The following PTPRD variants were observed in gnomAD, a reference collection of about 807,000 sequenced individuals.
PTPRD encodes the protein receptor-type tyrosine-protein phosphatase delta.
PTPRD carries 34 observed loss-of-function variants against 214.5 expected under a neutral mutation model. That is an observed-to-expected ratio of 0.16 (90% CI 0.12 to 0.21). PTPRD has a LOEUF of 0.21. PTPRD is among the 10% of genes least tolerant of loss of function. The probability of loss-of-function intolerance (pLI) is 1.00; values close to 1 mark genes in which losing one functional copy is unlikely to be tolerated. For synonymous variants in PTPRD, 1,128 were observed against 845.7 expected, an observed-to-expected ratio of 1.33 and a Z score of -5.79; for missense variants, 2,545 against 2,398.7, an observed-to-expected ratio of 1.06 and a Z score of -1.27.
At chr9:10,301,385 C>T (rs973266115) in intron 3 of PTPRD, among the ~76,000 whole-genome samples, 7 of 152,106 alleles carry the variant, frequency 4.6e-5, no homozygotes, top group Non-Finnish European at 1.0e-4. Context: ...CAGCTCCTCA[C>T]CAGCAAGGGA....
chr9:10,328,013 T>C (rs535037433), intron 3 of PTPRD, among the ~76,000 whole-genome samples: 198 of 151,932 alleles, frequency 1.3e-3, no homozygotes, highest in African/African-American at 4.4e-3. Context: ...ATAATACTTA[T>C]ATATTTCATG....
intron 5 of PTPRD, among the ~76,000 whole-genome samples, chr9:9,902,027 A>G (rs2076519402): frequency 6.6e-6 from 1 of 152,186 alleles, no homozygotes; most frequent in African/African-American, 2.4e-5. Context: ...CTTTGAAATC[A>G]GACTTCCTAA....
chr9:9,980,464 C>T (rs531624420), intron 4 of PTPRD, among the ~76,000 whole-genome samples: 2 of 151,316 alleles, frequency 1.3e-5, no homozygotes, highest in African/African-American at 4.9e-5. Context: ...AAAAATTAGC[C>T]GGGCATAGTG....
At chr9:9,525,466 T>C (rs1482697635) in intron 8 of PTPRD, among the ~76,000 whole-genome samples, 1 of 152,194 alleles carries the variant, frequency 6.6e-6, no homozygotes, top group East Asian at 1.9e-4. Context: ...TTCCATGAGT[T>C]AGAGGGATGT....
At chr9:10,589,908 G>T (rs1387245337) in intron 2 of PTPRD, among the ~76,000 whole-genome samples, 1 of 151,978 alleles carries the variant, frequency 6.6e-6, no homozygotes, top group Non-Finnish European at 1.5e-5. Flanking sequence ...GCATAAGCTA[G>T]AATATTTTAA....
intron 4 of PTPRD, among the ~76,000 whole-genome samples, chr9:10,008,625 TTCCTGTCTC>T (rs1370995282): frequency 7.9e-4 from 120 of 152,116 alleles, no homozygotes; most frequent in Non-Finnish European, 1.3e-3. Context: ...TCAGCATAAA[TTCCTGTCTC>T]ATCCTTCCTT....
rs981181942 is a variant in PTPRD at position 10,362,009 on chromosome 9, C to T, written c.-599-20992G>A. On this transcript the variant is annotated intron_variant, in intron 2 of 45. Coordinates refer to ENST00000381196, the MANE Select transcript of PTPRD (RefSeq NM_002839.4). ...GTTAAGATGTCAGCATTTTCATGTT[C>T]ATGTTTTCAGTCCAGGACAGAATCT... Among the ~76,000 whole-genome samples, 7 of 152,252 alleles carry T rather than the reference C, an allele frequency of 4.6e-5. No individual in the cohort carries two copies. The South Asian group carries it at 1.0e-3, about 23-fold the overall frequency.
In PTPRD at chr9:9,947,156, G is replaced by A. The variant is rs548557202; in HGVS notation, c.-471-8546C>T. Reference sequence around the variant, plus strand: ...TCATGTATTCCTATATGTACAAGAGGCATATTCAGTACAATGAGTAGTTCA... The same window carrying A: ...TCATGTATTCCTATATGTACAAGAGACATATTCAGTACAATGAGTAGTTCA... On this transcript the variant is annotated intron_variant, in intron 4 of 45. Coordinates refer to ENST00000381196, the MANE Select transcript of PTPRD (RefSeq NM_002839.4). Among the ~76,000 whole-genome samples the A allele has an allele frequency of 1.4e-3, 212 of 147,638 alleles. 3 individuals are homozygous for A. The South Asian group carries it at 0.027, about 19-fold the overall frequency.
intron 3 of PTPRD, among the ~76,000 whole-genome samples, chr9:10,076,196 C>T (rs2098129545): frequency 6.6e-6 from 1 of 152,088 alleles, no homozygotes. Context: ...CTTGCACTGC[C>T]TGCCGCCTCT....
chr9:8,527,442 C>A, intron 15 of PTPRD, 89 bp from the exon 16 acceptor site: 2 of 1,135,940 alleles, frequency 1.8e-6, no homozygotes, highest in Non-Finnish European at 2.6e-6. Flanking sequence ...AGAGTTAAAG[C>A]TTTATATACT....
intron 10 of PTPRD, among the ~76,000 whole-genome samples, chr9:9,126,357 C>T (rs1377285703): frequency 1.3e-5 from 2 of 152,054 alleles, no homozygotes; most frequent in Non-Finnish European, 2.9e-5. Context: ...GTCCAATAGG[C>T]CATAATATTT....
intron 5 of PTPRD, among the ~76,000 whole-genome samples, chr9:9,921,968 G>T (rs916976545): frequency 6.6e-6 from 1 of 152,030 alleles, no homozygotes; most frequent in Non-Finnish European, 1.5e-5. Context: ...AAGCAGTGTC[G>T]TTGTAAAGTC....
chr9:10,150,384 C>A lies in PTPRD; in HGVS notation c.-544-116594G>T, dbSNP rs2099052621. Among the ~76,000 whole-genome samples, 3 of 152,030 alleles carry A rather than the reference C, an allele frequency of 2.0e-5. No individual in the cohort carries two copies. The South Asian group carries it at 6.2e-4, about 31-fold the overall frequency. Reference sequence around the variant, plus strand: ...TAGGGACATGGATGAAGCTGGAAACCATCATTCTGAGCAAACCATTGCAGA... The same window carrying A: ...TAGGGACATGGATGAAGCTGGAAACAATCATTCTGAGCAAACCATTGCAGA... On this transcript the variant is annotated intron_variant, in intron 3 of 45. Transcript: ENST00000381196.
chr9:9,884,851 G>T (rs1273924017), intron 5 of PTPRD, among the ~76,000 whole-genome samples: 5 of 152,030 alleles, frequency 3.3e-5, no homozygotes, highest in African/African-American at 7.2e-5. Flanking sequence ...TTCCCATTCT[G>T]CCACGATTGT....
intron 4 of PTPRD, among the ~76,000 whole-genome samples, chr9:9,981,948 T>C (rs551572601): frequency 6.6e-6 from 1 of 152,284 alleles, no homozygotes; most frequent in African/African-American, 2.4e-5. Flanking sequence ...TATTTTACAT[T>C]ACCACAGGGC....
intron 7 of PTPRD, among the ~76,000 whole-genome samples, chr9:9,682,695 G>C (rs942167263): frequency 6.6e-6 from 1 of 151,700 alleles, no homozygotes; most frequent in African/African-American, 2.4e-5. Context: ...CAGCAGATAA[G>C]GAAATTGTCT....
intron 9 of PTPRD, among the ~76,000 whole-genome samples, chr9:9,338,740 C>T (rs1352141735): frequency 2.0e-5 from 3 of 152,046 alleles, no homozygotes; most frequent in Non-Finnish European, 4.4e-5. Context: ...ATGTGCAGAA[C>T]GTGCAGGTTT....
intron 10 of PTPRD, among the ~76,000 whole-genome samples, chr9:9,182,597 C>G (rs2099928837): frequency 6.6e-6 from 1 of 151,866 alleles, no homozygotes; most frequent in African/African-American, 2.4e-5. Context: ...GGATTAGAAA[C>G]ACACTATTAA....
At chr9:9,458,603 T>C (rs1002751221) in intron 8 of PTPRD, among the ~76,000 whole-genome samples, 9 of 152,040 alleles carry the variant, frequency 5.9e-5, no homozygotes, top group African/African-American at 1.9e-4. Context: ...TGCTGTTGTT[T>C]CCCCAAGATG....
Sources: allele counts gnomAD v4.1 joint callset (sites outside exome capture counted in the v4.1 genomes callset), GRCh38; gene constraint gnomAD v4.1.1; transcripts MANE v1.5; gene names NCBI Gene and HGNC (gene_info 2026-07-23, HGNC 2026-07-21).